The following CCDC144A variants were observed in gnomAD, a reference collection of about 807,000 sequenced individuals.
CCDC144A encodes the protein coiled-coil domain containing 144A.
A neutral mutation model predicts 143.8 loss-of-function variants in CCDC144A; 41 were observed. That is an observed-to-expected ratio of 0.29 (90% CI 0.22 to 0.37). The LOEUF (loss-of-function observed/expected upper bound fraction) is 0.37, where lower values mean the gene tolerates loss of function less well. CCDC144A is among the 10% of genes least tolerant of loss of function. The pLI is 1.00. For synonymous variants in CCDC144A, 242 were observed against 517.9 expected, an observed-to-expected ratio of 0.47 and a Z score of 7.23; for missense variants, 637 against 1,488.8, an observed-to-expected ratio of 0.43 and a Z score of 9.41.
chr17:16,751,529 A>G (rs1597583308), intron 12 of CCDC144A, among the ~76,000 whole-genome samples: 1 of 152,308 alleles, frequency 6.6e-6, no homozygotes, highest in East Asian at 1.9e-4. Flanking sequence ...CCCTCACCAA[A>G]TCAGTTCCTG....
intron 12 of CCDC144A, among the ~76,000 whole-genome samples, chr17:16,736,977 AG>A (rs1567600484): frequency 6.6e-6 from 1 of 151,984 alleles, no homozygotes; most frequent in African/African-American, 2.4e-5. Context: ...CAGATGTTTC[AG>A]GGAAGAGTGA....
intron 12 of CCDC144A, among the ~76,000 whole-genome samples, chr17:16,752,097 T>G (rs71371175): frequency 5.5e-4 from 83 of 152,280 alleles, no homozygotes; most frequent in Non-Finnish European, 1.1e-3. Context: ...GTCTGTGACC[T>G]GTTAGGAACT....
In CCDC144A at chr17:16,698,965, C is replaced by A. The variant is rs934002433; in HGVS notation, c.415+5916C>A. Among the ~76,000 whole-genome samples, 5 of 152,166 alleles carry A rather than the reference C, an allele frequency of 3.3e-5. No homozygotes were observed. In the South Asian group the frequency reaches 1.0e-3, roughly 32 times the overall value. ...TCAGGAGAAAAGTCAGTGCCTGACT[C>A]CTTTTGTTAGTGCAGTTCCCTTTTC... is the stretch of plus-strand genomic sequence containing the variant. On this transcript the variant is annotated intron_variant, in intron 2 of 16. Transcript: ENST00000399273.
At chr17:16,772,164 C>T (rs1915846384) in intron 16 of CCDC144A, 145 bp downstream of exon 16, 1 of 610,184 alleles carries the variant, frequency 1.6e-6, no homozygotes, top group African/African-American at 1.9e-5. Flanking sequence ...GATGTGAAAA[C>T]TTGAACATGT....
At chr17:16,744,947 TTA>T (rs1319998850) in intron 12 of CCDC144A, among the ~76,000 whole-genome samples, 1 of 152,154 alleles carries the variant, frequency 6.6e-6, no homozygotes, top group Admixed American at 6.5e-5. Flanking sequence ...AAAATTTCTG[TTA>T]TTTGGGCAAA....
At chr17:16,719,643 T>C (rs1912972975) in intron 6 of CCDC144A, among the ~76,000 whole-genome samples, 1 of 151,980 alleles carries the variant, frequency 6.6e-6, no homozygotes, top group African/African-American at 2.4e-5. Flanking sequence ...ATTCTTAATA[T>C]GTTACTGACC....
intron 2 of CCDC144A, among the ~76,000 whole-genome samples, chr17:16,699,545 C>CT (rs1346049829): frequency 5.7e-5 from 3 of 52,462 alleles, no homozygotes; most frequent in Non-Finnish European, 7.4e-5. Flanking sequence ...CCGGCCTGGA[C>CT]TTTTTTTTTG....
chr17:16,701,686 C>G (rs953154267), intron 2 of CCDC144A, among the ~76,000 whole-genome samples: 4 of 150,914 alleles, frequency 2.7e-5, no homozygotes, highest in Non-Finnish European at 5.9e-5. Context: ...TTTGTCCTTG[C>G]GTTTGTTTTC....
the CCDC144A span, among the ~76,000 whole-genome samples, chr17:16,676,968 C>T: frequency 6.6e-6 from 1 of 151,968 alleles, no homozygotes; most frequent in Non-Finnish European, 1.5e-5. Flanking sequence ...GATAAATGGG[C>T]ACAACTCCAG....
At chr17:16,766,630 C>T in intron 15 of CCDC144A, among the ~76,000 whole-genome samples, 1 of 152,162 alleles carries the variant, frequency 6.6e-6, no homozygotes, top group East Asian at 1.9e-4. Flanking sequence ...GTCCCAGTTA[C>T]TTGGGAGGCT....
chr17:16,692,054 C>T (rs1256525331), intron 1 of CCDC144A: 1 of 151,836 alleles, frequency 6.6e-6, no homozygotes, highest in Admixed American at 6.6e-5. Context: ...CTGAGTAACA[C>T]GTGGGATGTT....
chr17:16,709,673 T>G, intron 5 of CCDC144A, 38 bp downstream of exon 5: 1 of 1,597,080 alleles, frequency 6.3e-7, no homozygotes. Context: ...GTTTTTTCTC[T>G]CAATTATCTG....
chr17:16,687,902 T>TA (rs1910840316), upstream of CCDC144A, among the ~76,000 whole-genome samples: 1 of 151,960 alleles, frequency 6.6e-6, no homozygotes, highest in African/African-American at 2.4e-5. Flanking sequence ...ATTTTTTTTT[T>TA]AGCACACTAA....
At chr17:16,772,961 A>G (rs650544) in intron 16 of CCDC144A, among the ~76,000 whole-genome samples, 2 of 152,392 alleles carry the variant, frequency 1.3e-5, no homozygotes, top group African/African-American at 4.8e-5. Context: ...GAATAAATGA[A>G]TGAAGAATGA....
chr17:16,737,084 G>A (rs1304079908), intron 12 of CCDC144A, among the ~76,000 whole-genome samples: 1 of 148,138 alleles, frequency 6.8e-6, no homozygotes, highest in East Asian at 2.0e-4. Context: ...TAATAAACAA[G>A]AATGTGTGCA....
intron 4 of CCDC144A, among the ~76,000 whole-genome samples, chr17:16,707,915 G>A (rs1369416419): frequency 3.9e-5 from 6 of 152,170 alleles, no homozygotes; most frequent in Admixed American, 2.6e-4. Flanking sequence ...CATGGTATAA[G>A]AGTAATCATG....
intron 2 of CCDC144A, among the ~76,000 whole-genome samples, chr17:16,699,772 TGTCA>T (rs1911629035): frequency 6.6e-6 from 1 of 151,604 alleles, no homozygotes. Context: ...TAGAATATAT[TGTCA>T]GTCATTAAGA....
At chr17:16,689,051 G>C (rs966507393), upstream of CCDC144A, among the ~76,000 whole-genome samples, 1 of 152,112 alleles carries the variant, frequency 6.6e-6, no homozygotes, top group Non-Finnish European at 1.5e-5. Context: ...GACAAAATCT[G>C]TTTTTCATAA....
chr17:16,715,463 A>C (rs1389408698), intron 6 of CCDC144A, among the ~76,000 whole-genome samples: 1 of 152,194 alleles, frequency 6.6e-6, no homozygotes, highest in African/African-American at 2.4e-5. Context: ...AGAAAAGCTC[A>C]ATATTGTCAT....
Sources: allele counts gnomAD v4.1 joint callset (sites outside exome capture counted in the v4.1 genomes callset), GRCh38; gene constraint gnomAD v4.1.1; transcripts MANE v1.5; gene names NCBI Gene and HGNC (gene_info 2026-07-23, HGNC 2026-07-21).